Variants in SMIM10L3 observed in about 807,000 individuals in gnomAD.
SMIM10L3 encodes the protein small integral membrane protein 10 like 3.
chr7:6,348,862 G>A, the SMIM10L3 span: 2 of 389,094 alleles, frequency 5.1e-6, no homozygotes, highest in East Asian at 3.7e-5. Context: ...AGGAGGCGGC[G>A]GCTAGACCGG....
At chr7:6,335,443 G>A in the SMIM10L3 span, among the ~76,000 whole-genome samples, 2 of 151,808 alleles carry the variant, frequency 1.3e-5, no homozygotes, top group African/African-American at 4.8e-5. Flanking sequence ...TGCCAGGCTG[G>A]TCTTGATGTC....
chr7:6,341,456 AATAATT>A, the SMIM10L3 span, among the ~76,000 whole-genome samples: 7 of 139,830 alleles, frequency 5.0e-5, no homozygotes, highest in African/African-American at 1.5e-4. Context: ...AAATAATAAT[AATAATT>A]ATTATTATTA....
chr7:6,345,553 G>A, the SMIM10L3 span, among the ~76,000 whole-genome samples: 2 of 152,102 alleles, frequency 1.3e-5, no homozygotes, highest in African/African-American at 4.8e-5. Flanking sequence ...TATGAAAAAG[G>A]TAACTGTTTC....
chr7:6,330,719 G>T, the SMIM10L3 span: 2 of 1,614,092 alleles, frequency 1.2e-6, no homozygotes, highest in Non-Finnish European at 1.7e-6. Flanking sequence ...TCTCCTTTGG[G>T]GCACTGTCCT....
chr7:6,336,477 T>C, the SMIM10L3 span, among the ~76,000 whole-genome samples: 1 of 151,962 alleles, frequency 6.6e-6, no homozygotes, highest in African/African-American at 2.4e-5. Context: ...GGTCAGGAGT[T>C]TGAGACCAGC....
At chr7:6,333,037 A>G in the SMIM10L3 span, among the ~76,000 whole-genome samples, 13 of 151,802 alleles carry the variant, frequency 8.6e-5, no homozygotes, top group Admixed American at 3.3e-4. Context: ...GGTGCCTGTA[A>G]TCCCAGCTAC....
the SMIM10L3 span, chr7:6,348,780 G>T: frequency 5.0e-6 from 2 of 397,502 alleles, no homozygotes; most frequent in Non-Finnish European, 4.4e-6. Flanking sequence ...CGCTCCCACA[G>T]CCCCCCCGCC....
chr7:6,343,902 T>C, the SMIM10L3 span, among the ~76,000 whole-genome samples: 2 of 152,122 alleles, frequency 1.3e-5, no homozygotes, highest in South Asian at 4.1e-4. Flanking sequence ...GGTATGGCTT[T>C]TTCTTTTTAG....
At chr7:6,347,830 G>C in the SMIM10L3 span, among the ~76,000 whole-genome samples, 2 of 151,090 alleles carry the variant, frequency 1.3e-5, no homozygotes, top group Non-Finnish European at 2.9e-5. Flanking sequence ...AAGATGGGAG[G>C]ATCTCTTGAG....
chr7:6,336,470 C>G, the SMIM10L3 span, among the ~76,000 whole-genome samples: 1 of 152,234 alleles, frequency 6.6e-6, no homozygotes, highest in Non-Finnish European at 1.5e-5. Context: ...CTCTTGAGGT[C>G]AGGAGTTTGA....
chr7:6,335,103 C>T, the SMIM10L3 span, among the ~76,000 whole-genome samples: 1 of 151,840 alleles, frequency 6.6e-6, no homozygotes, highest in African/African-American at 2.4e-5. Context: ...CACTCTGTCA[C>T]CCAGGCTGGA....
At chr7:6,330,240 C>CT in the SMIM10L3 span, 1 of 867,030 alleles carries the variant, frequency 1.2e-6, no homozygotes, top group South Asian at 1.9e-5. Context: ...ACTCAATTTA[C>CT]TTTAAGTCTG....
the SMIM10L3 span, among the ~76,000 whole-genome samples, chr7:6,344,803 C>G: frequency 4.7e-5 from 7 of 149,012 alleles, no homozygotes; most frequent in Admixed American, 2.7e-4. Flanking sequence ...TGCAATGGCA[C>G]GAACTTGGCT....
chr7:6,339,368 C>T, the SMIM10L3 span, among the ~76,000 whole-genome samples: 146 of 152,026 alleles, frequency 9.6e-4, 2 homozygotes, highest in Admixed American at 1.3e-3. Flanking sequence ...CTCAGGAGGT[C>T]GAGGTGGGAG....
the SMIM10L3 span, among the ~76,000 whole-genome samples, chr7:6,337,792 ACATT>A: frequency 6.9e-6 from 1 of 144,056 alleles, no homozygotes; most frequent in Non-Finnish European, 1.5e-5. Flanking sequence ...AGATTTCAAT[ACATT>A]ATTTATTTAT....
At chr7:6,348,954 T>G in the SMIM10L3 span, 1 of 376,308 alleles carries the variant, frequency 2.7e-6, no homozygotes, top group Non-Finnish European at 4.7e-6. Flanking sequence ...TGTACCAGCC[T>G]GGCCGCGCAG....
the SMIM10L3 span, among the ~76,000 whole-genome samples, chr7:6,340,696 G>C: frequency 2.0e-5 from 3 of 152,014 alleles, no homozygotes; most frequent in South Asian, 6.2e-4. Flanking sequence ...TCAGGAGATC[G>C]AGACCATCCT....
chr7:6,343,453 G>C, the SMIM10L3 span, among the ~76,000 whole-genome samples: 1 of 125,132 alleles, frequency 8.0e-6, no homozygotes, highest in Non-Finnish European at 1.6e-5. Context: ...TATGATCTAG[G>C]ACTAAGAAAC....
chr7:6,343,948 G>A, the SMIM10L3 span, among the ~76,000 whole-genome samples: 2 of 151,998 alleles, frequency 1.3e-5, no homozygotes, highest in African/African-American at 4.8e-5. Flanking sequence ...AGCAGTGGTG[G>A]GATCATAGCT....
Sources: allele counts gnomAD v4.1 joint callset (sites outside exome capture counted in the v4.1 genomes callset), GRCh38; gene constraint gnomAD v4.1.1; transcripts MANE v1.5; gene names NCBI Gene and HGNC (gene_info 2026-07-23, HGNC 2026-07-21).